COBL: variants seen among roughly 807,000 people sequenced by gnomAD.
COBL encodes the protein cordon-bleu WH2 repeat protein, also known as protein cordon-bleu.
Under a neutral mutation model 98.8 loss-of-function variants are expected in COBL, and 51 were observed. The observed-to-expected ratio is 0.52, with a 90% CI of 0.41 to 0.65. COBL has a LOEUF of 0.65. COBL is among the 30% of genes least tolerant of loss of function. The pLI is 0.00. For missense variants in COBL, 1,617 were observed against 1,617.5 expected (o/e 1.00, Z 0.01); for synonymous variants, 634 against 651.7 (o/e 0.97, Z 0.41).
intron 5 of COBL, among the ~76,000 whole-genome samples, chr7:51,148,985 C>G (rs2129019343): frequency 6.6e-6 from 1 of 152,328 alleles, no homozygotes; most frequent in Admixed American, 6.5e-5. Context: ...AATTTTAATA[C>G]AGGGACCACA....
At chr7:51,020,165 CG>C (rs1786784709) in intron 12 of COBL, among the ~76,000 whole-genome samples, 1 of 152,042 alleles carries the variant, frequency 6.6e-6, no homozygotes, top group African/African-American at 2.4e-5. Context: ...GCAGGACACA[CG>C]GAAGGGCTGG....
chr7:51,140,823 C>T (rs868603627), intron 5 of COBL, among the ~76,000 whole-genome samples: 1 of 152,148 alleles, frequency 6.6e-6, no homozygotes, highest in South Asian at 2.1e-4. Flanking sequence ...TTGTCTCCCT[C>T]GCTCATTGAC....
chr7:51,144,379 C>T (rs1283715822), intron 5 of COBL, among the ~76,000 whole-genome samples: 2 of 152,152 alleles, frequency 1.3e-5, no homozygotes, highest in Non-Finnish European at 2.9e-5. Flanking sequence ...GCCAGACAGG[C>T]TGGCTCTGGG....
chr7:51,256,619 C>T (rs543435506), intron 1 of COBL, among the ~76,000 whole-genome samples: 2 of 152,330 alleles, frequency 1.3e-5, no homozygotes, highest in South Asian at 4.1e-4. Context: ...AGTAGGGCCT[C>T]CAGAGCACTC....
At chr7:51,146,113 A>G (rs569910351) in intron 5 of COBL, among the ~76,000 whole-genome samples, 2 of 152,302 alleles carry the variant, frequency 1.3e-5, no homozygotes, top group African/African-American at 4.8e-5. Flanking sequence ...TGGGTTTCAC[A>G]TGCAAGGTGC....
At chr7:51,236,400 G>A (rs1795264278) in intron 1 of COBL, among the ~76,000 whole-genome samples, 1 of 152,184 alleles carries the variant, frequency 6.6e-6, no homozygotes, top group South Asian at 2.1e-4. Context: ...ACAGGACAGG[G>A]CAGGGCTCTG....
intron 1 of COBL, among the ~76,000 whole-genome samples, chr7:51,227,015 G>A (rs927574748): frequency 3.8e-4 from 58 of 152,206 alleles, no homozygotes; most frequent in African/African-American, 5.3e-4. Context: ...ACTTTGCACC[G>A]CCTCCAGCCT....
rs996992294 is a variant in COBL at position 51,103,140 on chromosome 7, C to A, written c.958-17836G>T. Among the ~76,000 whole-genome samples, 5 of 152,214 alleles carry A rather than the reference C, an allele frequency of 3.3e-5. No homozygotes were observed. In the South Asian group the frequency reaches 1.0e-3, roughly 31 times the overall value. On this transcript the variant is annotated intron_variant, in intron 6 of 12. Coordinates refer to ENST00000265136, the MANE Select transcript of COBL (RefSeq NM_015198.5). ...TTTCAGAAAGGCTATTAGTTTAAGT[C>A]ATCAGCAGCCCCTATCCCCCATTCA... is the stretch of plus-strand genomic sequence containing the variant.
At chr7:51,171,142 A>G (rs1033307611) in intron 5 of COBL, among the ~76,000 whole-genome samples, 9 of 152,100 alleles carry the variant, frequency 5.9e-5, no homozygotes, top group African/African-American at 2.2e-4. Flanking sequence ...AAGAGCCTTA[A>G]GTATAATTGT....
intron 5 of COBL, among the ~76,000 whole-genome samples, chr7:51,151,106 T>A (rs930155325): frequency 3.3e-5 from 5 of 152,170 alleles, no homozygotes; most frequent in South Asian, 2.1e-4. Flanking sequence ...CTCTTTCAGA[T>A]GTGGATCTTT....
At chr7:51,087,522 A>G (rs1057478630) in intron 6 of COBL, among the ~76,000 whole-genome samples, 6 of 151,750 alleles carry the variant, frequency 4.0e-5, no homozygotes, top group African/African-American at 1.2e-4. Flanking sequence ...TTTTTGAGAC[A>G]GAGTCTCACT....
At chr7:51,161,106 A>G (rs1786756602) in intron 5 of COBL, among the ~76,000 whole-genome samples, 1 of 152,158 alleles carries the variant, frequency 6.6e-6, no homozygotes, top group Non-Finnish European at 1.5e-5. Context: ...CTCGGAACAC[A>G]TTTTCCTGTT....
chr7:51,063,605 C>G (rs1381275672), intron 7 of COBL, among the ~76,000 whole-genome samples: 1 of 152,150 alleles, frequency 6.6e-6, no homozygotes, highest in East Asian at 1.9e-4. Flanking sequence ...AGGCTGAGGG[C>G]CAGGTGTGGC....
intron 8 of COBL, among the ~76,000 whole-genome samples, chr7:51,038,207 G>A (rs1316879531): frequency 6.6e-6 from 1 of 152,162 alleles, no homozygotes; most frequent in Non-Finnish European, 1.5e-5. Flanking sequence ...TGGTATTCTT[G>A]AGACTCTTCA....
In COBL at chr7:51,316,647, G is replaced by A. The variant is rs1462837375; in HGVS notation, c.-14C>T. 8.4e-7 allele frequency: 1 copy of A among 1,195,390 alleles called. No homozygotes were observed. The highest frequency in any genetic ancestry group is 1.6e-5 in the African/African-American group (1 of 62,912). The allele number at this position is 1,195,390 out of a possible 1,614,324, so 74.0% of individuals were successfully genotyped here. On this transcript the variant is annotated 5_prime_UTR_variant, in exon 1 of 13. Transcript: ENST00000265136. ...CGGCGCGTCCATGGTGCCGGGGGCCGGGACGCGGGCGGTGCTCCGGGCCCG... is the reference window on the plus strand; with the variant it reads ...CGGCGCGTCCATGGTGCCGGGGGCCAGGACGCGGGCGGTGCTCCGGGCCCG...
intron 6 of COBL, among the ~76,000 whole-genome samples, chr7:51,120,986 C>T (rs751103217): frequency 6.6e-6 from 1 of 152,138 alleles, no homozygotes; most frequent in Non-Finnish European, 1.5e-5. Context: ...CATGGGTGTA[C>T]AGGTATCTGT....
intron 8 of COBL, among the ~76,000 whole-genome samples, chr7:51,043,163 C>T (rs527751116): frequency 1.3e-5 from 2 of 152,174 alleles, no homozygotes; most frequent in East Asian, 3.9e-4. Flanking sequence ...GGGTATGGTA[C>T]CAAAGCAAAC....
At chr7:51,166,526 T>C (rs1239024877) in intron 5 of COBL, among the ~76,000 whole-genome samples, 1 of 152,038 alleles carries the variant, frequency 6.6e-6, no homozygotes, top group Non-Finnish European at 1.5e-5. Context: ...CCCAAACATT[T>C]AAACAAGAAC....
chr7:51,241,269 C>T (rs1371782916), intron 1 of COBL, among the ~76,000 whole-genome samples: 1 of 152,226 alleles, frequency 6.6e-6, no homozygotes, highest in Non-Finnish European at 1.5e-5. Flanking sequence ...AACTTTTAAA[C>T]ATTCTTTTAC....
Sources: allele counts gnomAD v4.1 joint callset (sites outside exome capture counted in the v4.1 genomes callset), GRCh38; gene constraint gnomAD v4.1.1; transcripts MANE v1.5; gene names NCBI Gene and HGNC (gene_info 2026-07-23, HGNC 2026-07-21).